CTNNA2: variants seen among roughly 807,000 people sequenced by gnomAD.
The protein encoded by CTNNA2 is catenin alpha-2.
Under a neutral mutation model 101.0 loss-of-function variants are expected in CTNNA2, and 42 were observed. The observed-to-expected ratio is 0.42, with a 90% CI of 0.32 to 0.54. The LOEUF is 0.54. CTNNA2 is among the 20% of genes least tolerant of loss of function. The probability of loss-of-function intolerance (pLI) is 0.14; values close to 1 mark genes in which losing one functional copy is unlikely to be tolerated. For synonymous variants in CTNNA2, 450 were observed against 456.4 expected (o/e 0.99, Z 0.18); for missense variants, 871 against 1,223.1 (o/e 0.71, Z 4.29).
In CTNNA2 at chr2:79,345,779, G is replaced by A. The variant is rs146604494; in HGVS notation, c.-317-28052G>A. 2.4e-3 allele frequency among the ~76,000 whole-genome samples: 371 copies of A among 151,838 alleles called. 3 individuals are homozygous for A. Among genetic ancestry groups the A allele is most frequent in the African/African-American group, 8.6e-3 (355 of 41,380 alleles). The stretch of plus-strand genomic sequence containing the variant: ...ACAGTTTCGACTCACTGCAACCTCC[G>A]CCTCCAAGGTTCAAGCAATTCTTAT... On this transcript the variant is annotated intron_variant, in intron 3 of 21. Coordinates refer to the CTNNA2 transcript ENST00000466387.
At chr2:79,937,722 G>A (rs1267648477) in intron 7 of CTNNA2, among the ~76,000 whole-genome samples, 1 of 152,204 alleles carries the variant, frequency 6.6e-6, no homozygotes, top group East Asian at 1.9e-4. Context: ...GAACAGGCTG[G>A]AGAGGCTTAA....
chr2:80,300,146 C>A (rs959831072), intron 7 of CTNNA2, among the ~76,000 whole-genome samples: 3 of 152,074 alleles, frequency 2.0e-5, no homozygotes, highest in African/African-American at 7.2e-5. Context: ...AGTTATCAAA[C>A]AAAGCACCTC....
At chr2:80,248,904 T>C (rs1671545232) in intron 7 of CTNNA2, among the ~76,000 whole-genome samples, 1 of 152,188 alleles carries the variant, frequency 6.6e-6, no homozygotes, top group East Asian at 1.9e-4. Flanking sequence ...TTGCTACTGA[T>C]GAGGAATAAG....
chr2:79,211,812 G>A (rs191057465), intron 2 of CTNNA2, among the ~76,000 whole-genome samples: 3 of 152,244 alleles, frequency 2.0e-5, no homozygotes, highest in Non-Finnish European at 1.5e-5. Flanking sequence ...GTTAAGTGTT[G>A]GGATGGCAAC....
Position 79,944,561 on chromosome 2 carries a change from A to C in CTNNA2, c.1056+34764A>C, listed in dbSNP as rs147879691. Among the ~76,000 whole-genome samples the C allele has an allele frequency of 1.2e-3, 181 of 152,336 alleles. 1 individual carries two copies. The highest frequency in any genetic ancestry group is 4.3e-3 in the African/African-American group (177 of 41,592). ...AATACTGGGGCATGGTACAGAAATC[A>C]GTGACCACAAAGTACAGTGCAGTGT... On this transcript the variant is annotated intron_variant, in intron 7 of 18. Transcript: ENST00000402739.
chr2:80,005,834 A>G (rs572406898), intron 7 of CTNNA2, among the ~76,000 whole-genome samples: 1 of 151,694 alleles, frequency 6.6e-6, no homozygotes, highest in South Asian at 2.1e-4. Flanking sequence ...AGTGGTTTTC[A>G]AGCTAATTCA....
intron 7 of CTNNA2, among the ~76,000 whole-genome samples, chr2:80,043,053 TTC>T (rs1416567157): frequency 1.3e-4 from 4 of 30,602 alleles, no homozygotes; most frequent in African/African-American, 4.6e-4. Context: ...CTTTCTTTCT[TTC>T]TTTCTTTCTT....
rs147396748 is a variant in CTNNA2, at chr2:79,643,405, C to T, written c.-5-8147C>T. On this transcript the variant is annotated intron_variant, in intron 1 of 18. Transcript: ENST00000402739. ...TAAAGTGTCGTTCCTGAACCAGCAG[C>T]AGCAGCAGCCTCTGGAAATTTGTCA... 1.1e-3 allele frequency among the ~76,000 whole-genome samples: 162 copies of T among 152,242 alleles called. 5 individuals carry two copies. The East Asian group carries it at 0.029, about 28-fold the overall frequency.
At chr2:79,203,294 T>G (rs1674061148) in intron 2 of CTNNA2, among the ~76,000 whole-genome samples, 1 of 152,170 alleles carries the variant, frequency 6.6e-6, no homozygotes, top group Admixed American at 6.5e-5. Flanking sequence ...TCCAAATTCA[T>G]TAGAAAATAA....
chr2:79,906,528 T>G (rs556698757), intron 6 of CTNNA2, among the ~76,000 whole-genome samples: 43 of 152,282 alleles, frequency 2.8e-4, no homozygotes, highest in Middle Eastern at 3.4e-3. Context: ...TCCAGGGAGA[T>G]TTTTTAAAAA....
intron 6 of CTNNA2, among the ~76,000 whole-genome samples, chr2:79,887,798 G>T (rs533288081): frequency 5.3e-5 from 8 of 152,072 alleles, no homozygotes; most frequent in Non-Finnish European, 1.2e-4. Flanking sequence ...CCTGTTCATC[G>T]TATCTTCTCC....
chr2:79,279,772 C>A (rs1415461071), intron 2 of CTNNA2, among the ~76,000 whole-genome samples: 1 of 152,032 alleles, frequency 6.6e-6, no homozygotes, highest in Non-Finnish European at 1.5e-5. Flanking sequence ...CTTGACACTT[C>A]CAAATGTGTA....
At chr2:79,844,748 A>T (rs1445545069) in intron 3 of CTNNA2, among the ~76,000 whole-genome samples, 1 of 152,102 alleles carries the variant, frequency 6.6e-6, no homozygotes, top group East Asian at 1.9e-4. Context: ...TGAACTATTG[A>T]TGCAGGCTTG....
At chr2:79,843,432 C>A (rs1679975648) in intron 3 of CTNNA2, among the ~76,000 whole-genome samples, 1 of 152,208 alleles carries the variant, frequency 6.6e-6, no homozygotes, top group African/African-American at 2.4e-5. Flanking sequence ...CTTGGATTAG[C>A]ATGACAGAGT....
At chr2:80,382,162 G>A (rs541564036) in intron 7 of CTNNA2, among the ~76,000 whole-genome samples, 77 of 152,208 alleles carry the variant, frequency 5.1e-4, no homozygotes, top group South Asian at 4.2e-3. Context: ...TCCAAAGATC[G>A]GTATCATGTA....
At chr2:80,357,516 G>A (rs1314298195) in intron 7 of CTNNA2, among the ~76,000 whole-genome samples, 2 of 152,024 alleles carry the variant, frequency 1.3e-5, no homozygotes, top group East Asian at 3.9e-4. Flanking sequence ...TGCCTCTATG[G>A]ACAGACCGAA....
At chr2:80,270,959 T>C (rs1673416275) in intron 7 of CTNNA2, among the ~76,000 whole-genome samples, 2 of 152,110 alleles carry the variant, frequency 1.3e-5, no homozygotes, top group African/African-American at 4.8e-5. Context: ...GAAACACAAT[T>C]GGCAGCTACT....
At chr2:80,149,698 T>A (rs190208634) in intron 7 of CTNNA2, among the ~76,000 whole-genome samples, 3 of 152,000 alleles carry the variant, frequency 2.0e-5, no homozygotes, top group Admixed American at 2.0e-4. Flanking sequence ...TGCTAGTTCC[T>A]TTCCAAGTCA....
At chr2:80,602,113 T>C (rs1166465230) in intron 15 of CTNNA2, 2 of 152,088 alleles carry the variant, frequency 1.3e-5, no homozygotes, top group Non-Finnish European at 2.9e-5. Flanking sequence ...GTCTCTAATT[T>C]TATGAAATAT....
Sources: allele counts gnomAD v4.1 joint callset (sites outside exome capture counted in the v4.1 genomes callset), GRCh38; gene constraint gnomAD v4.1.1; transcripts MANE v1.5; gene names NCBI Gene and HGNC (gene_info 2026-07-23, HGNC 2026-07-21).